The following SNX7 variants were observed in gnomAD, a reference collection of about 807,000 sequenced individuals.
SNX7 encodes the protein sorting nexin 7.
A neutral mutation model predicts 48.4 loss-of-function variants in SNX7; 35 were observed. The ratio of observed to expected loss-of-function variants is 0.72; its 90% CI spans 0.55 to 0.96. The LOEUF (loss-of-function observed/expected upper bound fraction) is 0.96, where lower values mean the gene tolerates loss of function less well. SNX7 is among the 40% of genes least tolerant of loss of function. The pLI is 0.00. For synonymous variants in SNX7, 190 were observed against 190.2 expected (o/e 1.00, Z 0.01); for missense variants, 553 against 548.9 (o/e 1.01, Z -0.07).
intron 8 of SNX7, among the ~76,000 whole-genome samples, chr1:98,754,095 A>G (rs879066430): frequency 1.3e-5 from 2 of 152,020 alleles, no homozygotes; most frequent in Non-Finnish European, 2.9e-5. Context: ...ATTTTTTTTA[A>G]TAAGCAATGG....
At chr1:98,672,910 G>C (rs1373986183) in intron 1 of SNX7, among the ~76,000 whole-genome samples, 1 of 113,274 alleles carries the variant, frequency 8.8e-6, no homozygotes, top group Non-Finnish European at 1.7e-5. Flanking sequence ...CGGCCTGGGC[G>C]ACAGAGCGAG....
At chr1:98,735,091 C>T (rs1278762831) in intron 7 of SNX7, among the ~76,000 whole-genome samples, 4 of 152,136 alleles carry the variant, frequency 2.6e-5, no homozygotes, top group Admixed American at 2.6e-4. Flanking sequence ...GTGGGCTATT[C>T]TCCCCCTCAG....
intron 8 of SNX7, among the ~76,000 whole-genome samples, chr1:98,744,237 G>A (rs1041050890): frequency 6.6e-6 from 1 of 151,952 alleles, no homozygotes; most frequent in Admixed American, 6.6e-5. Flanking sequence ...ATAAAAGTTA[G>A]TTATACTTTC....
At chr1:98,680,451 T>C (rs923050227) in intron 1 of SNX7, among the ~76,000 whole-genome samples, 6 of 152,206 alleles carry the variant, frequency 3.9e-5, no homozygotes, top group African/African-American at 1.4e-4. Flanking sequence ...TTGTTACTTA[T>C]GCAAATTTCT....
At chr1:98,720,566 CA>C (rs1439989181) in intron 7 of SNX7, among the ~76,000 whole-genome samples, 2 of 152,042 alleles carry the variant, frequency 1.3e-5, no homozygotes, top group Non-Finnish European at 2.9e-5. Flanking sequence ...TACATGATCA[CA>C]ACTTTCTAGA....
rs1033163252 is a variant in SNX7, at chr1:98,698,605, G to A, written c.839-101G>A. 3.1e-6 allele frequency: 3 copies of A among 966,084 alleles called. No homozygotes were observed. In the Admixed American group the frequency reaches 8.2e-5, roughly 26 times the overall value. The allele number at this position is 966,084 out of a possible 1,614,324, so 59.8% of individuals were successfully genotyped here. A position where few individuals can be genotyped will look rare whatever the true frequency, so the allele number is the denominator to read the frequency against. On this transcript the variant is annotated intron_variant, in intron 5 of 8. Transcript: ENST00000306121. ...CTTATGTTCTTGTGTAAGAACATGTGCACTGTGAGAGAAATAAGGCCCTTT... is the reference window on the plus strand; with the variant it reads ...CTTATGTTCTTGTGTAAGAACATGTACACTGTGAGAGAAATAAGGCCCTTT...
At chr1:98,700,296 A>G (rs1258159678) in intron 6 of SNX7, among the ~76,000 whole-genome samples, 1 of 152,158 alleles carries the variant, frequency 6.6e-6, no homozygotes, top group Non-Finnish European at 1.5e-5. Flanking sequence ...AATTTTCACC[A>G]GTTGTCCTCT....
rs536331935 is a variant in SNX7 at position 98,694,641 on chromosome 1, T to C, written c.640-877T>C. 3.4e-3 allele frequency among the ~76,000 whole-genome samples: 429 copies of C among 126,952 alleles called. 3 individuals carry two copies. The highest frequency in any genetic ancestry group is 0.012 in the African/African-American group (398 of 33,586). The allele number at this position is 126,952 out of a possible 152,430, so 83.3% of individuals were successfully genotyped here. On this transcript the variant is annotated intron_variant, in intron 4 of 8. Transcript: ENST00000306121. ...TTTTTTTTTTGAGATGGAGTCTCGC[T>C]CTGTGGCTCAGGCTGGAGTGCAGTG...
intron 8 of SNX7, among the ~76,000 whole-genome samples, chr1:98,742,435 G>C (rs142357802): frequency 9.5e-4 from 145 of 152,146 alleles, no homozygotes; most frequent in African/African-American, 3.3e-3. Flanking sequence ...CTGCAGTCTT[G>C]CTGGCCCAAG....
chr1:98,708,246 A>T (rs887268557), intron 7 of SNX7, among the ~76,000 whole-genome samples: 12 of 152,206 alleles, frequency 7.9e-5, no homozygotes, highest in Non-Finnish European at 1.5e-4. Flanking sequence ...ATATACACAC[A>T]CACACAGCAG....
chr1:98,752,508 A>G (rs1654636042), intron 8 of SNX7, among the ~76,000 whole-genome samples: 1 of 152,032 alleles, frequency 6.6e-6, no homozygotes, highest in Admixed American at 6.6e-5. Context: ...GCCTAGAAAA[A>G]AACCATATTG....
chr1:98,709,390 A>C (rs1301473391), intron 7 of SNX7, among the ~76,000 whole-genome samples: 4 of 152,176 alleles, frequency 2.6e-5, no homozygotes, highest in Admixed American at 6.6e-5. Flanking sequence ...CATTTGCCCT[A>C]CCTGGTCGCT....
chr1:98,714,815 T>C (rs1652502900), intron 7 of SNX7, among the ~76,000 whole-genome samples: 1 of 152,176 alleles, frequency 6.6e-6, no homozygotes, highest in African/African-American at 2.4e-5. Context: ...ACGAACAATG[T>C]GTAGGCCTTG....
intron 6 of SNX7, 102 bp downstream of exon 6, chr1:98,699,007 C>A: frequency 3.6e-6 from 4 of 1,109,632 alleles, no homozygotes; most frequent in Admixed American, 2.3e-5. Context: ...TCTTTTTGTC[C>A]TAGCAGGTTG....
At position 98,672,653 on chromosome 1, in the gene SNX7, G is replaced by A. The variant is rs961165395; in HGVS notation, c.180+10742G>A. ...AGAAATTATTCAAGTGGCCGGGCGC[G>A]GTGGCTCACGCCTGTAATCCCAGCA... On this transcript the variant is annotated intron_variant, in intron 1 of 8. Coordinates refer to ENST00000306121, the MANE Select transcript of SNX7 (RefSeq NM_015976.5). Among the ~76,000 whole-genome samples the A allele has an allele frequency of 1.2e-4, 18 of 151,830 alleles. 1 individual carries two copies. The highest frequency in any genetic ancestry group is 4.1e-4 in the African/African-American group (17 of 41,424).
chr1:98,712,959 C>T (rs1652392782), intron 7 of SNX7, among the ~76,000 whole-genome samples: 1 of 152,028 alleles, frequency 6.6e-6, no homozygotes, highest in Non-Finnish European at 1.5e-5. Context: ...GACATAGTGG[C>T]ACATGCCTGT....
chr1:98,707,806 T>A (rs59709323), intron 7 of SNX7, among the ~76,000 whole-genome samples: 8,452 of 152,204 alleles, frequency 0.056, 746 homozygotes, highest in African/African-American at 0.18. Context: ...TAGTCTGGAA[T>A]TTTGCACAGC....
At chr1:98,746,913 A>G (rs1296113342) in intron 8 of SNX7, among the ~76,000 whole-genome samples, 3 of 152,120 alleles carry the variant, frequency 2.0e-5, no homozygotes, top group African/African-American at 4.8e-5. Flanking sequence ...GTTAGTTTGA[A>G]TAAGATAATC....
At chr1:98,741,989 A>G (rs1019115528) in intron 8 of SNX7, among the ~76,000 whole-genome samples, 1 of 152,130 alleles carries the variant, frequency 6.6e-6, no homozygotes, top group African/African-American at 2.4e-5. Flanking sequence ...GCTATTTAGG[A>G]ACTGCTTTAG....
Sources: allele counts gnomAD v4.1 joint callset (sites outside exome capture counted in the v4.1 genomes callset), GRCh38; gene constraint gnomAD v4.1.1; transcripts MANE v1.5; gene names NCBI Gene and HGNC (gene_info 2026-07-23, HGNC 2026-07-21).